The following CRTAC1 variants were observed in gnomAD, a reference collection of about 807,000 sequenced individuals.
CRTAC1 encodes acidic secreted protein in cartilage.
Under a neutral mutation model 67.8 loss-of-function variants are expected in CRTAC1, and 37 were observed. That is an observed-to-expected ratio of 0.55 (90% CI 0.42 to 0.72). The LOEUF is 0.72. Among genes scored for constraint, CRTAC1 ranks in the 30% least tolerant of loss-of-function variants. CRTAC1 has a pLI of 0.00. For missense variants in CRTAC1, 780 were observed against 931.6 expected (o/e 0.84, Z 2.12); for synonymous variants, 348 against 371.0 (o/e 0.94, Z 0.71).
chr10:98,017,317 G>A (rs946084927), intron 1 of CRTAC1, among the ~76,000 whole-genome samples: 2 of 152,186 alleles, frequency 1.3e-5, no homozygotes, highest in Non-Finnish European at 2.9e-5. Context: ...CCCGTGTAAA[G>A]GCAATGGGAG....
intron 2 of CRTAC1, among the ~76,000 whole-genome samples, chr10:97,949,245 C>T (rs552784284): frequency 6.6e-6 from 1 of 152,328 alleles, no homozygotes; most frequent in East Asian, 1.9e-4. Flanking sequence ...TCAGCCACCT[C>T]AGAGGGGGAT....
chr10:97,933,767 G>T (rs1247052145), intron 3 of CRTAC1, among the ~76,000 whole-genome samples: 1 of 152,226 alleles, frequency 6.6e-6, no homozygotes, highest in Non-Finnish European at 1.5e-5. Flanking sequence ...TAATAAATGA[G>T]TAGGGTTGTT....
At chr10:97,976,203 G>C (rs142169126) in intron 2 of CRTAC1, among the ~76,000 whole-genome samples, 3 of 152,186 alleles carry the variant, frequency 2.0e-5, no homozygotes, top group African/African-American at 7.2e-5. Context: ...GGTCCTCTGC[G>C]CTCATTCCAC....
intron 2 of CRTAC1, among the ~76,000 whole-genome samples, chr10:97,990,302 C>G (rs905728853): frequency 6.6e-6 from 1 of 152,184 alleles, no homozygotes; most frequent in African/African-American, 2.4e-5. Context: ...GCTACTATAG[C>G]GCTCATTTTT....
chr10:97,918,490 C>G (rs1326734373), intron 4 of CRTAC1, among the ~76,000 whole-genome samples: 3 of 152,220 alleles, frequency 2.0e-5, no homozygotes, highest in Admixed American at 6.5e-5. Context: ...TTTCTCTCAT[C>G]CTTTTCATCA....
At chr10:98,010,890 C>G (rs1169886142) in intron 2 of CRTAC1, among the ~76,000 whole-genome samples, 1 of 152,138 alleles carries the variant, frequency 6.6e-6, no homozygotes, top group Admixed American at 6.5e-5. Context: ...CCCTGAAAAG[C>G]CTGTGGATCA....
At chr10:97,880,815 T>G (rs10883010) in intron 13 of CRTAC1, among the ~76,000 whole-genome samples, 45,130 of 151,910 alleles carry the variant, frequency 0.3, 6,995 homozygotes, top group African/African-American at 0.4. Context: ...GCCCTGCCCA[T>G]ATTCTGGCCC....
chr10:97,884,442 A>T, intron 11 of CRTAC1, 91 bp from the exon 12 acceptor site: 1 of 1,221,026 alleles, frequency 8.2e-7, no homozygotes, highest in Non-Finnish European at 1.2e-6. Context: ...TCCATTGAAT[A>T]AAAGCATGAA....
intron 8 of CRTAC1, among the ~76,000 whole-genome samples, chr10:97,899,179 C>T (rs571986461): frequency 2.4e-4 from 35 of 148,830 alleles, no homozygotes; most frequent in Admixed American, 2.3e-3. Flanking sequence ...GTCCCAGATG[C>T]AGCCCCTCTC....
At chr10:97,919,076 G>A (rs1235737169) in intron 4 of CRTAC1, among the ~76,000 whole-genome samples, 1 of 152,046 alleles carries the variant, frequency 6.6e-6, no homozygotes, top group Non-Finnish European at 1.5e-5. Context: ...TTACAGGTGT[G>A]AGCCACCGTG....
chr10:97,947,773 G>A (rs992819643), intron 2 of CRTAC1, among the ~76,000 whole-genome samples: 3 of 152,174 alleles, frequency 2.0e-5, no homozygotes, highest in Admixed American at 1.3e-4. Flanking sequence ...TATTTTCTGG[G>A]TCAGGTATGG....
rs754827965 is a variant in CRTAC1 at position 97,908,165 on chromosome 10, C to T, written c.716-18G>A. 4 of 1,613,314 alleles carry T rather than the reference C, an allele frequency of 2.5e-6. No homozygotes were observed. In the Admixed American group the frequency reaches 6.7e-5, roughly 27 times the overall value. ...TCGGCCCCCTAGAAAAGACATCGAC[C>T]CACAGTGAGTGGCAGAAGCAAGCCC... On this transcript the variant is annotated intron_variant, in intron 5 of 14. Transcript: ENST00000370597.
chr10:97,892,256 T>C (rs1445514102), intron 11 of CRTAC1, among the ~76,000 whole-genome samples: 1 of 152,116 alleles, frequency 6.6e-6, no homozygotes, highest in East Asian at 1.9e-4. Flanking sequence ...CTAATACACC[T>C]CTTAAAATAG....
In CRTAC1 at chr10:97,895,174, C is replaced by T. The variant is rs906262308; in HGVS notation, c.1486+71G>A. On this transcript the variant is annotated intron_variant, in intron 11 of 14. Transcript: ENST00000370597. The surrounding 1 kb of genome is among the most constrained non-coding windows in gnomAD (Gnocchi z 4.2). ...GAGCGGAGCGGTGCCCAAGGATGCT[C>T]GGGCTGTGAGTCCCTGAATCAGTCA... 21 of 1,477,458 alleles carry T rather than the reference C, an allele frequency of 1.4e-5. No individual in the cohort carries two copies. Among genetic ancestry groups the T allele is most frequent in the South Asian group, 4.8e-5 (4 of 83,000 alleles). 91.5% of individuals were successfully genotyped at this position (1,477,458 alleles called of 1,614,324 possible). A position where few individuals can be genotyped will look rare whatever the true frequency, so the allele number is the denominator to read the frequency against.
intron 1 of CRTAC1, among the ~76,000 whole-genome samples, chr10:98,018,819 A>T (rs1590297834): frequency 6.6e-6 from 1 of 152,034 alleles, no homozygotes; most frequent in East Asian, 1.9e-4. Context: ...CCACGGGAAC[A>T]CTGCCCCACA....
intron 6 of CRTAC1, 141 bp downstream of exon 6, chr10:97,907,872 C>A: frequency 1.2e-6 from 1 of 836,742 alleles, no homozygotes; most frequent in Non-Finnish European, 1.8e-6. Context: ...AGCAGCGTTT[C>A]TCTGTGTGGT....
At chr10:97,883,863 C>G (rs1315280597) in intron 12 of CRTAC1, among the ~76,000 whole-genome samples, 1 of 152,224 alleles carries the variant, frequency 6.6e-6, no homozygotes, top group Non-Finnish European at 1.5e-5. Flanking sequence ...AGGGCAGCAA[C>G]AGACCTGGGG....
intron 2 of CRTAC1, among the ~76,000 whole-genome samples, chr10:97,998,088 A>G (rs111453778): frequency 2.7e-3 from 416 of 152,306 alleles, no homozygotes; most frequent in African/African-American, 9.0e-3. Flanking sequence ...TTCCCACATC[A>G]GCCTCCTGAG....
chr10:98,005,255 C>T (rs1289613640), intron 2 of CRTAC1, among the ~76,000 whole-genome samples: 1 of 150,720 alleles, frequency 6.6e-6, no homozygotes, highest in East Asian at 1.9e-4. Context: ...TAGGCACGTG[C>T]CACCACGCCT....
Sources: allele counts gnomAD v4.1 joint callset (sites outside exome capture counted in the v4.1 genomes callset), GRCh38; gene constraint gnomAD v4.1.1; non-coding constraint Gnocchi (gnomAD v3.1); transcripts MANE v1.5; gene names NCBI Gene and HGNC (gene_info 2026-07-23, HGNC 2026-07-21).